TMC5: variants seen among roughly 807,000 people sequenced by gnomAD.
TMC5 encodes the protein transmembrane channel-like protein 5.
A neutral mutation model predicts 110.5 loss-of-function variants in TMC5; 86 were observed. The observed-to-expected ratio is 0.78, with a 90% confidence interval of 0.65 to 0.93. TMC5 has a LOEUF of 0.93. TMC5 is among the 40% of genes least tolerant of loss of function. TMC5 has a pLI of 0.00. For synonymous variants in TMC5, 455 were observed against 439.5 expected (o/e 1.04, Z -0.44); for missense variants, 1,144 against 1,222.8 (o/e 0.94, Z 0.96).
intron 5 of TMC5, among the ~76,000 whole-genome samples, chr16:19,454,091 A>C (rs1967811360): frequency 6.6e-6 from 1 of 152,056 alleles, no homozygotes; most frequent in South Asian, 2.1e-4. Context: ...TCTGTCCCCC[A>C]GGCTGGAGTG....
chr16:19,414,815 G>C (rs571899628), upstream of TMC5, among the ~76,000 whole-genome samples: 77 of 152,198 alleles, frequency 5.1e-4, 1 homozygote, highest in Non-Finnish European at 8.2e-4. Flanking sequence ...GGAAGCTGAG[G>C]CAGGAGGATC....
rs1381082118 is a variant in TMC5 at position 19,490,740 on chromosome 16, TTCCTTCCTTCCTTC to T, written c.2747+173_2747+186del. ...CTTCCTTCCTTCCTTCCTTCCTTCC[TTCCTTCCTTCCTTC>T]CTTCCTTCCCTTCCTTTTTTTCTTT... On this transcript the variant is annotated intron_variant, in intron 18 of 21. Coordinates refer to ENST00000542583, the MANE Select transcript of TMC5 (RefSeq NM_001261841.2). Among the ~76,000 whole-genome samples, 18 of 100,804 alleles carry T rather than the reference TTCCTTCCTTCCTTC, an allele frequency of 1.8e-4. 1 individual carries two copies. The highest frequency in any genetic ancestry group is 5.0e-4 in the African/African-American group (16 of 32,302). The allele number at this position is 100,804 out of a possible 152,430, so 66.1% of individuals were successfully genotyped here.
chr16:19,498,060 C>G lies in TMC5; in HGVS notation c.*94C>G. Reference sequence around the variant, plus strand: ...GCCACCTGTGCCTTTAGGAACTGCCCAGAAGAAAATCCAAGGCTTTAGCCA... The same window carrying G: ...GCCACCTGTGCCTTTAGGAACTGCCGAGAAGAAAATCCAAGGCTTTAGCCA... On this transcript the variant is annotated 3_prime_UTR_variant, in exon 22 of 22. Coordinates refer to ENST00000542583, the MANE Select transcript of TMC5 (RefSeq NM_001261841.2). 1 of 1,269,422 alleles carries G rather than the reference C, an allele frequency of 7.9e-7. No individual in the cohort carries two copies. The highest frequency in any genetic ancestry group is 1.1e-6 in the Non-Finnish European group (1 of 870,458). The allele number at this position is 1,269,422 out of a possible 1,614,324, so 78.6% of individuals were successfully genotyped here. A position where few individuals can be genotyped will look rare whatever the true frequency, so the allele number is the denominator to read the frequency against.
intron 8 of TMC5, among the ~76,000 whole-genome samples, chr16:19,465,213 T>A (rs1968156063): frequency 6.6e-6 from 1 of 151,610 alleles, no homozygotes; most frequent in Admixed American, 6.6e-5. Flanking sequence ...ACATTCTGTG[T>A]CCGCCCCCGC....
chr16:19,417,156 C>A (rs947656011), upstream of TMC5, among the ~76,000 whole-genome samples: 1 of 149,002 alleles, frequency 6.7e-6, no homozygotes, highest in African/African-American at 2.5e-5. Flanking sequence ...CAGTGGCTTA[C>A]GCCTGTAATC....
chr16:19,453,325 A>G (rs1429111659), intron 5 of TMC5, among the ~76,000 whole-genome samples: 1 of 152,038 alleles, frequency 6.6e-6, no homozygotes, highest in Non-Finnish European at 1.5e-5. Context: ...ATGGTAGCTC[A>G]TGCTTGTAAT....
intron 18 of TMC5, 138 bp from the exon 19 acceptor site, chr16:19,492,012 C>A (rs1291932432): frequency 1.4e-6 from 1 of 702,980 alleles, no homozygotes; most frequent in East Asian, 2.5e-5. Context: ...CTATAACTCT[C>A]CCTGACATGA....
intron 20 of TMC5, among the ~76,000 whole-genome samples, chr16:19,495,962 A>G (rs1251444905): frequency 6.6e-6 from 1 of 151,982 alleles, no homozygotes; most frequent in Non-Finnish European, 1.5e-5. Context: ...GGTGAAACCC[A>G]TCTCTAGTAA....
chr16:19,474,272 A>T lies in TMC5; in HGVS notation c.2086A>T (p.Ile696Phe), dbSNP rs1567319562. Residue 696 changes from isoleucine (I) to phenylalanine (F), a missense_variant, in exon 12 of 22, where the codon ATC becomes TTC. Coordinates refer to ENST00000542583, the MANE Select transcript of TMC5 (RefSeq NM_001261841.2). ...ACGGCACGAAGTCTACGTTCTCCTGATCCGGTAGGTGATGTGTCGCGCCCA... is the reference window on the plus strand; with the variant it reads ...ACGGCACGAAGTCTACGTTCTCCTGTTCCGGTAGGTGATGTGTCGCGCCCA... ...MPRHEVYVLLIRNIFLKISII... is the reference protein window; with the variant it reads ...MPRHEVYVLLFRNIFLKISII... 6.2e-7 allele frequency: 1 copy of T among 1,613,810 alleles called. No homozygotes were observed. The highest frequency in any genetic ancestry group is 1.1e-5 in the South Asian group (1 of 91,020).
intron 20 of TMC5, among the ~76,000 whole-genome samples, chr16:19,496,754 G>A (rs1479963600): frequency 6.6e-6 from 1 of 151,810 alleles, no homozygotes; most frequent in Non-Finnish European, 1.5e-5. Context: ...GCTGGGCGTG[G>A]TGGCAGGCAC....
At chr16:19,447,339 T>C (rs1967637184) in intron 4 of TMC5, among the ~76,000 whole-genome samples, 1 of 152,142 alleles carries the variant, frequency 6.6e-6, no homozygotes, top group African/African-American at 2.4e-5. Flanking sequence ...AGCCTTGGCT[T>C]GGAACTGGCA....
rs768894830 is a variant in TMC5 at position 19,425,201 on chromosome 16, A to G, written c.-307-5212A>G. Among the ~76,000 whole-genome samples, 5 of 152,318 alleles carry G rather than the reference A, an allele frequency of 3.3e-5. No individual in the cohort carries two copies. The Middle Eastern group carries it at 0.014, about 414-fold the overall frequency. ...CACAAGTAGATTATAAAAGATGAAA[A>G]CTACCTGGCTTCAAAGCTGTGGTTA... On this transcript the variant is annotated intron_variant, in intron 1 of 21. Coordinates refer to ENST00000542583, the MANE Select transcript of TMC5 (RefSeq NM_001261841.2).
chr16:19,468,043 TG>T (rs1968232846), intron 9 of TMC5, among the ~76,000 whole-genome samples: 1 of 152,202 alleles, frequency 6.6e-6, no homozygotes, highest in South Asian at 2.1e-4. Context: ...GGTGTGATCT[TG>T]GCTCACTGCA....
Position 19,466,180 on chromosome 16 carries a change from C to T in TMC5, c.1584C>T (p.Tyr528=), listed in dbSNP as rs1968185308. 1 of 1,614,160 alleles carries T rather than the reference C, an allele frequency of 6.2e-7. No homozygotes were observed. Among genetic ancestry groups the T allele is most frequent in the Non-Finnish European group, 8.5e-7 (1 of 1,180,036 alleles). Residue 528 remains tyrosine, a synonymous_variant, in exon 9 of 22, where the codon TAC becomes TAT. Transcript: ENST00000542583. ...SGASYNMQLA[Y]IFTIGACLTT... is the part of the protein sequence containing the mutation. ...CATCCTACAACATGCAGCTGGCCTA[C>T]ATCTTCACAATCGGAGCATGCTTGA...
intron 5 of TMC5, chr16:19,456,519 T>G: frequency 7.3e-7 from 1 of 1,366,942 alleles, no homozygotes; most frequent in Non-Finnish European, 9.4e-7. Context: ...CAGGGAGTTA[T>G]GTTGTGATTT....
upstream of TMC5, chr16:19,417,641 A>G (rs2143331587): frequency 6.6e-6 from 1 of 152,314 alleles, no homozygotes; most frequent in African/African-American, 2.4e-5. Context: ...TGAGCTGATA[A>G]CAAAAGAATA....
At chr16:19,416,193 A>G (rs1314621929), upstream of TMC5, among the ~76,000 whole-genome samples, 1 of 151,678 alleles carries the variant, frequency 6.6e-6, no homozygotes, top group Non-Finnish European at 1.5e-5. Context: ...CTCAAAGGAA[A>G]AAAAAAAAAA....
At position 19,498,086 on chromosome 16, in the gene TMC5, G is replaced by T. The variant is rs1969103238; in HGVS notation, c.*120G>T. ...AGAAGAAAATCCAAGGCTTTAGCCA[G>T]GAGCGGAAACTGACTACCATGTAAT... On this transcript the variant is annotated 3_prime_UTR_variant, in exon 22 of 22. Transcript: ENST00000542583. 9.9e-7 allele frequency: 1 copy of T among 1,013,572 alleles called. No homozygotes were observed. The allele number at this position is 1,013,572 out of a possible 1,614,324, so 62.8% of individuals were successfully genotyped here. A position where few individuals can be genotyped will look rare whatever the true frequency, so the allele number is the denominator to read the frequency against.
chr16:19,445,654 T>C (rs1967597816), intron 4 of TMC5, among the ~76,000 whole-genome samples: 1 of 150,362 alleles, frequency 6.7e-6, no homozygotes, highest in Non-Finnish European at 1.5e-5. Flanking sequence ...CCTGTGGAAG[T>C]CAGAAAAGGG....
Sources: gnomAD v4.1 joint callset for allele counts (sites outside exome capture counted in the v4.1 genomes callset) on GRCh38, gnomAD v4.1.1 for gene constraint, MANE v1.5 for transcripts, NCBI Gene and HGNC (gene_info 2026-07-23, HGNC 2026-07-21) for gene names.